Variants in DPH6 observed in about 807,000 individuals in gnomAD.
DPH6 encodes the protein diphthine--ammonia ligase.
A neutral mutation model predicts 38.2 loss-of-function variants in DPH6; 33 were observed. The observed-to-expected ratio is 0.86, with a 90% CI of 0.65 to 1.15. The LOEUF is 1.15. DPH6 is among the 50% of genes most tolerant of loss of function. DPH6 has a pLI of 0.00. For synonymous variants in DPH6, 108 were observed against 103.0 expected (o/e 1.05, Z -0.30); for missense variants, 325 against 320.0 (o/e 1.02, Z -0.12).
intron 3 of DPH6, among the ~76,000 whole-genome samples, chr15:35,471,288 C>CTGA: frequency 6.6e-6 from 1 of 152,314 alleles, no homozygotes; most frequent in Middle Eastern, 3.4e-3. Context: ...GGGTGCTTAT[C>CTGA]TGATGCCAGA....
intron 6 of DPH6, chr15:35,400,662 T>C (rs948527555): frequency 1.3e-5 from 8 of 613,288 alleles, no homozygotes; most frequent in African/African-American, 1.1e-4. Context: ...CGAGGAAGCA[T>C]CATTAAAGTC....
chr15:35,472,150 A>T (rs1354808752), intron 3 of DPH6, among the ~76,000 whole-genome samples: 1 of 152,200 alleles, frequency 6.6e-6, no homozygotes. Flanking sequence ...GACTTCAATG[A>T]CTATATCAAT....
chr15:35,327,738 T>C (rs1286136697), downstream of DPH6, among the ~76,000 whole-genome samples: 4 of 152,196 alleles, frequency 2.6e-5, no homozygotes, highest in African/African-American at 9.6e-5. Context: ...CTAACTTCTC[T>C]AGGCCTTGGT....
At chr15:35,468,801 C>T (rs990764675) in intron 3 of DPH6, among the ~76,000 whole-genome samples, 23 of 152,050 alleles carry the variant, frequency 1.5e-4, no homozygotes, top group Admixed American at 1.4e-3. Flanking sequence ...GGCGCGGTGG[C>T]TCATGCCAGT....
In DPH6 at chr15:35,538,393, T is replaced by C. The variant is rs757990199; in HGVS notation, c.193A>G (p.Met65Val). The C allele has an allele frequency of 2.2e-5, 35 of 1,610,596 alleles. No individual in the cohort carries two copies. The South Asian group carries it at 2.5e-4, about 12-fold the overall frequency. Residue 65 changes from methionine (M) to valine (V), a missense_variant, in exon 3 of 9, where the codon ATG becomes GTG. Coordinates refer to ENST00000256538, the MANE Select transcript of DPH6 (RefSeq NM_080650.4). ...HHAIDLYAEA[M>V]ALPLYRRTIR... ...GTTCGGCGATAGAGGGGAAGAGCCATTGCTTCTGCATACAAGTCAATGGCA... is the reference window on the plus strand; with the variant it reads ...GTTCGGCGATAGAGGGGAAGAGCCACTGCTTCTGCATACAAGTCAATGGCA...
intron 3 of DPH6, among the ~76,000 whole-genome samples, chr15:35,303,737 T>C (rs1289407180): frequency 6.6e-6 from 1 of 151,706 alleles, no homozygotes; most frequent in Non-Finnish European, 1.5e-5. Context: ...CTATTTACTC[T>C]TCATTTGATA....
In DPH6 at chr15:35,502,342, AG is replaced by A. The variant is rs1224810074; in HGVS notation, c.312+35931del. Among the ~76,000 whole-genome samples, 8 of 152,196 alleles carry A rather than the reference AG, an allele frequency of 5.3e-5. 1 individual carries two copies. Among genetic ancestry groups the A allele is most frequent in the Admixed American group, 3.9e-4 (6 of 15,262 alleles). On this transcript the variant is annotated intron_variant, in intron 3 of 8. Transcript: ENST00000256538. ...GGCTAAAAAAAGAAAAAAGAAAGAA[AG>A]AAAAAATAAGCAAAGTGAGATAAAA...
intron 1 of DPH6, among the ~76,000 whole-genome samples, chr15:35,544,009 C>G (rs1434078491): frequency 6.6e-6 from 1 of 152,250 alleles, no homozygotes; most frequent in East Asian, 1.9e-4. Flanking sequence ...TGGTGTCCAA[C>G]AAAATACTAA....
At chr15:35,408,748 T>G (rs1026876357) in intron 6 of DPH6, among the ~76,000 whole-genome samples, 1 of 152,016 alleles carries the variant, frequency 6.6e-6, no homozygotes, top group Admixed American at 6.6e-5. Flanking sequence ...GTATCTATTG[T>G]GTTTGGTAAA....
intron 3 of DPH6, among the ~76,000 whole-genome samples, chr15:35,236,041 G>C (rs1450889754): frequency 6.6e-6 from 1 of 152,118 alleles, no homozygotes; most frequent in Non-Finnish European, 1.5e-5. Context: ...TTCTAATCAA[G>C]TATTTAGATA....
chr15:35,147,001 A>C, the DPH6 span, among the ~76,000 whole-genome samples: 1 of 152,222 alleles, frequency 6.6e-6, no homozygotes, highest in Non-Finnish European at 1.5e-5. Flanking sequence ...GTTAATATAC[A>C]TTACATATAA....
At chr15:35,510,080 G>A (rs1331020198) in intron 3 of DPH6, among the ~76,000 whole-genome samples, 1 of 152,144 alleles carries the variant, frequency 6.6e-6, no homozygotes, top group Non-Finnish European at 1.5e-5. Context: ...GCTAGGAATG[G>A]TTACGTGTTC....
At chr15:35,401,473 G>A (rs2053218305) in intron 6 of DPH6, 2 of 772,524 alleles carry the variant, frequency 2.6e-6, no homozygotes, top group African/African-American at 1.7e-5. Flanking sequence ...ACAGGGTTAT[G>A]GAAACCAGGG....
intron 3 of DPH6, among the ~76,000 whole-genome samples, chr15:35,468,503 C>T (rs185450625): frequency 6.6e-6 from 1 of 152,246 alleles, no homozygotes; most frequent in East Asian, 1.9e-4. Flanking sequence ...GACAGATACC[C>T]CATTATCTCT....
At chr15:35,377,148 T>TA (rs1182221075) in intron 7 of DPH6, among the ~76,000 whole-genome samples, 1 of 152,106 alleles carries the variant, frequency 6.6e-6, no homozygotes, top group South Asian at 2.1e-4. Context: ...AGAAGGCAAA[T>TA]AAAGTATTTG....
chr15:35,167,542 G>A, the DPH6 span, among the ~76,000 whole-genome samples: 68 of 144,338 alleles, frequency 4.7e-4, no homozygotes, highest in African/African-American at 1.6e-3. Flanking sequence ...ATGGTATTCT[G>A]TTCCATACAG....
At chr15:35,189,439 C>A in the DPH6 span, among the ~76,000 whole-genome samples, 2 of 152,186 alleles carry the variant, frequency 1.3e-5, no homozygotes. Flanking sequence ...AGAGAGTCCT[C>A]CTCAAATATA....
intron 3 of DPH6, among the ~76,000 whole-genome samples, chr15:35,535,951 A>C (rs1031788327): frequency 6.6e-6 from 1 of 152,138 alleles, no homozygotes; most frequent in African/African-American, 2.4e-5. Flanking sequence ...GAGTTTTAAT[A>C]TTTGTGGGGA....
At chr15:35,315,963 A>C (rs1248392576) in intron 3 of DPH6, among the ~76,000 whole-genome samples, 1 of 152,162 alleles carries the variant, frequency 6.6e-6, no homozygotes, top group African/African-American at 2.4e-5. Context: ...ATGCATGTTC[A>C]TACTCAATGT....
Sources: gnomAD v4.1 joint callset for allele counts (sites outside exome capture counted in the v4.1 genomes callset) on GRCh38, gnomAD v4.1.1 for gene constraint, MANE v1.5 for transcripts, NCBI Gene and HGNC (gene_info 2026-07-23, HGNC 2026-07-21) for gene names.